CYP20A1: variants seen among roughly 807,000 people sequenced by gnomAD.
CYP20A1 encodes cytochrome P450 family 20 subfamily A member 1.
A neutral mutation model predicts 61.4 loss-of-function variants in CYP20A1; 61 were observed. The ratio of observed to expected loss-of-function variants is 0.99; its 90% CI spans 0.81 to 1.23. The LOEUF (loss-of-function observed/expected upper bound fraction) is 1.23, where lower values mean the gene tolerates loss of function less well. CYP20A1 is among the 50% of genes most tolerant of loss of function. The pLI, the probability that CYP20A1 is intolerant of heterozygous loss-of-function variation, is 0.00. For synonymous variants in CYP20A1, 193 were observed against 188.2 expected, an observed-to-expected ratio of 1.03 and a Z score of -0.21; for missense variants, 530 against 542.4, an observed-to-expected ratio of 0.98 and a Z score of 0.23.
chr2:203,261,605 TA>T (rs36092540), intron 4 of CYP20A1, among the ~76,000 whole-genome samples: 17 of 74,364 alleles, frequency 2.3e-4, no homozygotes, highest in African/African-American at 7.0e-4. Context: ...CTTTGTCACC[TA>T]AAAAAAAAAA....
chr2:203,267,298 C>T (rs561234316), intron 5 of CYP20A1, among the ~76,000 whole-genome samples: 13 of 151,834 alleles, frequency 8.6e-5, no homozygotes, highest in African/African-American at 1.9e-4. Flanking sequence ...TTTGGGAGGC[C>T]GAGGCAGGCA....
intron 5 of CYP20A1, among the ~76,000 whole-genome samples, chr2:203,267,549 AAAAG>A (rs1201610874): frequency 6.8e-6 from 1 of 147,662 alleles, no homozygotes; most frequent in Non-Finnish European, 1.5e-5. Context: ...CCAAAAAAAA[AAAAG>A]AAAGATCTTG....
rs534592293 is a variant in CYP20A1, at chr2:203,302,415, T to C, written c.*5507T>C. 5.3e-5 allele frequency among the ~76,000 whole-genome samples: 8 copies of C among 152,184 alleles called. No individual in the cohort carries two copies. The East Asian group carries it at 9.7e-4, about 18-fold the overall frequency. ...CCAGCCTTGGTGGCACCACCTGCAG[T>C]CCCAACTATTCAGGAGGCTGAGGCG... On this transcript the variant is annotated 3_prime_UTR_variant, in exon 13 of 13. Coordinates refer to ENST00000356079, the MANE Select transcript of CYP20A1 (RefSeq NM_177538.3).
chr2:203,251,845 TA>T (rs2066702438), intron 3 of CYP20A1, 121 bp from the exon 4 acceptor site: 1 of 317,536 alleles, frequency 3.1e-6, no homozygotes, highest in African/African-American at 2.7e-5. Context: ...ACAAGGGAAT[TA>T]TGAAAAACAG....
At position 203,283,618 on chromosome 2, in the gene CYP20A1, G is replaced by A. The variant is rs1282168776; in HGVS notation, c.851-1994G>A. Among the ~76,000 whole-genome samples the A allele has an allele frequency of 2.0e-5, 3 of 146,664 alleles. No homozygotes were observed. The South Asian group carries it at 6.5e-4, about 32-fold the overall frequency. ...GGCTGGAGTGCAGTGGCGCCATCTC[G>A]GCTCACTGCAACCTCTGCCTCCCGG... is the stretch of plus-strand genomic sequence containing the variant. On this transcript the variant is annotated intron_variant, in intron 8 of 12. Transcript: ENST00000356079.
intron 9 of CYP20A1, among the ~76,000 whole-genome samples, chr2:203,287,254 T>G (rs1198587509): frequency 6.8e-6 from 1 of 147,104 alleles, no homozygotes; most frequent in East Asian, 2.0e-4. Context: ...AGATAACCAC[T>G]GGAAAGAACT....
At chr2:203,248,182 G>T (rs534463085) in intron 3 of CYP20A1, among the ~76,000 whole-genome samples, 1 of 151,922 alleles carries the variant, frequency 6.6e-6, no homozygotes, top group African/African-American at 2.4e-5. Context: ...CCAAGGTTGC[G>T]CCACTCTACT....
At chr2:203,251,077 A>AAG in intron 3 of CYP20A1, among the ~76,000 whole-genome samples, 1 of 148,574 alleles carries the variant, frequency 6.7e-6, no homozygotes, top group Non-Finnish European at 1.5e-5. Context: ...AAAAAAAAAA[A>AAG]AAAAAAAAGA....
chr2:203,302,084 C>G lies in CYP20A1; in HGVS notation c.*5176C>G, dbSNP rs955912939. ...GGGATTGCAAACATGTGCCACCACA[C>G]CTGGCTAATTTTTGTGTTTTTAGTA... On this transcript the variant is annotated 3_prime_UTR_variant, in exon 13 of 13. Transcript: ENST00000356079. 6.6e-6 allele frequency among the ~76,000 whole-genome samples: 1 copy of G among 152,090 alleles called. No homozygotes were observed. The highest frequency in any genetic ancestry group is 1.9e-4 in the East Asian group (1 of 5,176).
At chr2:203,268,525 A>G (rs1222788066) in intron 5 of CYP20A1, among the ~76,000 whole-genome samples, 4 of 152,066 alleles carry the variant, frequency 2.6e-5, no homozygotes, top group African/African-American at 7.2e-5. Flanking sequence ...TGTTTTCTTA[A>G]TATTACTAAA....
intron 3 of CYP20A1, among the ~76,000 whole-genome samples, chr2:203,251,063 CAAA>C (rs35304069): frequency 2.0e-5 from 1 of 50,280 alleles, no homozygotes; most frequent in Non-Finnish European, 3.4e-5. Context: ...GATTCTGTCT[CAAA>C]AAAAAAAAAA....
chr2:203,278,539 T>C (rs748286557), intron 6 of CYP20A1, 34 bp from the exon 7 acceptor site: 8 of 1,055,212 alleles, frequency 7.6e-6, no homozygotes, highest in Non-Finnish European at 1.1e-5. Context: ...CACTAATGCT[T>C]GTATTCTAAA....
intron 5 of CYP20A1, among the ~76,000 whole-genome samples, chr2:203,268,902 C>T (rs937286342): frequency 2.6e-5 from 4 of 152,126 alleles, no homozygotes; most frequent in Non-Finnish European, 5.9e-5. Context: ...TTTGTGAATT[C>T]AGAGCCAATG....
intron 1 of CYP20A1, among the ~76,000 whole-genome samples, chr2:203,240,011 G>A (rs1476737677): frequency 6.6e-6 from 1 of 152,078 alleles, no homozygotes; most frequent in Admixed American, 6.6e-5. Context: ...CAGGAGAATC[G>A]CTTGAACCTG....
chr2:203,248,710 C>G (rs909174114), intron 3 of CYP20A1, among the ~76,000 whole-genome samples: 5 of 152,086 alleles, frequency 3.3e-5, no homozygotes, highest in East Asian at 1.9e-4. Context: ...ATCTCAATCC[C>G]TGCCTTATTC....
At chr2:203,288,216 C>A (rs2068379633) in intron 9 of CYP20A1, among the ~76,000 whole-genome samples, 1 of 151,644 alleles carries the variant, frequency 6.6e-6, no homozygotes, top group African/African-American at 2.4e-5. Context: ...CAGGCATGCA[C>A]CACCACACCT....
intron 10 of CYP20A1, among the ~76,000 whole-genome samples, chr2:203,291,150 C>T (rs1044371601): frequency 2.6e-5 from 4 of 151,950 alleles, no homozygotes; most frequent in African/African-American, 9.7e-5. Flanking sequence ...GCAGCCTCGA[C>T]CTCCCAGGCT....
chr2:203,294,874 C>CAA (rs1256988085), intron 11 of CYP20A1, among the ~76,000 whole-genome samples: 1 of 150,670 alleles, frequency 6.6e-6, no homozygotes, highest in Non-Finnish European at 1.5e-5. Context: ...ACCTCGTGAT[C>CAA]ACCTGCCTCT....
intron 6 of CYP20A1, among the ~76,000 whole-genome samples, chr2:203,275,788 A>G (rs1423450135): frequency 6.6e-6 from 1 of 152,234 alleles, no homozygotes; most frequent in Admixed American, 6.5e-5. Flanking sequence ...ATTCAATTCT[A>G]TAAATATTTA....
Sources: gnomAD v4.1 joint callset for allele counts (sites outside exome capture counted in the v4.1 genomes callset) on GRCh38, gnomAD v4.1.1 for gene constraint, MANE v1.5 for transcripts, NCBI Gene and HGNC (gene_info 2026-07-23, HGNC 2026-07-21) for gene names.